Variants in KCND3 observed in about 807,000 individuals in gnomAD.
The protein encoded by KCND3 is potassium voltage-gated channel subfamily D member 3.
A neutral mutation model predicts 51.1 loss-of-function variants in KCND3; 9 were observed. The ratio of observed to expected loss-of-function variants is 0.18; its 90% CI spans 0.11 to 0.31. The LOEUF (loss-of-function observed/expected upper bound fraction) is 0.31. KCND3 is among the 10% of genes least tolerant of loss of function. The pLI is 1.00. For synonymous variants in KCND3, 349 were observed against 368.0 expected (o/e 0.95, Z 0.59); for missense variants, 526 against 903.8 (o/e 0.58, Z 5.36).
At chr1:111,907,107 G>A (rs1670682839) in intron 2 of KCND3, among the ~76,000 whole-genome samples, 2 of 152,176 alleles carry the variant, frequency 1.3e-5, no homozygotes, top group African/African-American at 4.8e-5. Flanking sequence ...TCAGCCAGCT[G>A]TCACAGCACC....
intron 2 of KCND3, among the ~76,000 whole-genome samples, chr1:111,848,584 G>A (rs1300670886): frequency 6.6e-6 from 1 of 152,202 alleles, no homozygotes; most frequent in African/African-American, 2.4e-5. Flanking sequence ...CCATTCCCTA[G>A]GCACTGCACA....
chr1:111,978,886 A>C (rs529929267), intron 2 of KCND3, among the ~76,000 whole-genome samples: 3 of 152,356 alleles, frequency 2.0e-5, no homozygotes, highest in African/African-American at 7.2e-5. Flanking sequence ...TGTATAATCA[A>C]GCAACGAGCC....
chr1:111,858,541 T>A (rs1023233844), intron 2 of KCND3, among the ~76,000 whole-genome samples: 6 of 152,218 alleles, frequency 3.9e-5, no homozygotes, highest in Non-Finnish European at 5.9e-5. Context: ...CTAAATTCAT[T>A]ATTATCATGT....
At position 111,958,727 on chromosome 1, in the gene KCND3, C is replaced by T. The variant is rs189091109; in HGVS notation, c.1106+22894G>A. ...CAGGCCCCCTCTGTCTGGCATCTGT[C>T]CTGGCAGACAACACTGCACTATAGC... On this transcript the variant is annotated intron_variant, in intron 2 of 7. Transcript: ENST00000302127. Among the ~76,000 whole-genome samples, 479 of 152,296 alleles carry T rather than the reference C, an allele frequency of 3.1e-3. 2 individuals are homozygous for T. The highest frequency in any genetic ancestry group is 0.011 in the African/African-American group (443 of 41,560).
rs559270135 is a variant in KCND3, at chr1:111,878,236, A to C, written c.1107-91130T>G. ...AACAGGCAGAGAAGCATGTACGTGA[A>C]ACCTCTTCCTGTCTCTTTGCCGAAT... is the stretch of plus-strand genomic sequence containing the variant. On this transcript the variant is annotated intron_variant, in intron 2 of 7. Transcript: ENST00000302127. Among the ~76,000 whole-genome samples the C allele has an allele frequency of 2.0e-5, 3 of 152,338 alleles. No individual in the cohort carries two copies. The South Asian group carries it at 6.2e-4, about 32-fold the overall frequency.
intron 2 of KCND3, among the ~76,000 whole-genome samples, chr1:111,955,996 ACT>A (rs888973038): frequency 7.3e-5 from 11 of 151,404 alleles, no homozygotes; most frequent in African/African-American, 2.7e-4. Context: ...GTGATAACCG[ACT>A]CATTTTAATC....
chr1:111,896,546 C>T (rs968072094), intron 2 of KCND3, among the ~76,000 whole-genome samples: 6 of 152,176 alleles, frequency 3.9e-5, no homozygotes, highest in African/African-American at 1.4e-4. Context: ...GGGCTGGAGG[C>T]TACCTGTCAG....
At chr1:111,957,672 GGGCTGGACCT>G (rs2101921717) in intron 2 of KCND3, among the ~76,000 whole-genome samples, 1 of 152,328 alleles carries the variant, frequency 6.6e-6, no homozygotes, top group East Asian at 1.9e-4. Flanking sequence ...CATCTGCAGA[GGGCTGGACCT>G]GGTGTCAGGC....
At chr1:111,828,227 A>AG (rs5777083) in intron 2 of KCND3, among the ~76,000 whole-genome samples, 84,170 of 151,868 alleles carry the variant, frequency 0.55, 25,253 homozygotes, top group Non-Finnish European at 0.67. Flanking sequence ...AGTCTTACAA[A>AG]GCTTTTGCCT....
At chr1:111,818,213 A>G (rs1319732615) in intron 2 of KCND3, among the ~76,000 whole-genome samples, 1 of 152,198 alleles carries the variant, frequency 6.6e-6, no homozygotes, top group Non-Finnish European at 1.5e-5. Context: ...TGGAGCAAGG[A>G]TGGCCTCTGG....
At chr1:111,808,243 G>A (rs1388292876) in intron 2 of KCND3, among the ~76,000 whole-genome samples, 1 of 152,302 alleles carries the variant, frequency 6.6e-6, no homozygotes, top group South Asian at 2.1e-4. Context: ...AAAAAACACT[G>A]CTCTTTCAGA....
chr1:111,838,239 C>T (rs1035353142), intron 2 of KCND3, among the ~76,000 whole-genome samples: 5 of 152,230 alleles, frequency 3.3e-5, no homozygotes, highest in African/African-American at 1.2e-4. Context: ...TGTCTCTACA[C>T]TTTATTCAGG....
intron 2 of KCND3, among the ~76,000 whole-genome samples, chr1:111,924,205 A>G (rs1671597259): frequency 6.6e-6 from 1 of 152,268 alleles, no homozygotes; most frequent in South Asian, 2.1e-4. Context: ...AAAGGTGAAC[A>G]ACATGAGCAG....
At chr1:111,854,101 T>A (rs1419556440) in intron 2 of KCND3, 1 of 152,110 alleles carries the variant, frequency 6.6e-6, no homozygotes, top group Non-Finnish European at 1.5e-5. Flanking sequence ...ATGCTCCTGC[T>A]CTAAAAAATG....
intron 2 of KCND3, among the ~76,000 whole-genome samples, chr1:111,907,093 G>A (rs996837084): frequency 1.3e-5 from 2 of 152,030 alleles, no homozygotes; most frequent in African/African-American, 2.4e-5. Context: ...CTGTTCCCTC[G>A]TGTTCAGCCA....
At chr1:111,866,579 A>ACACACACACAC (rs1668581640) in intron 2 of KCND3, among the ~76,000 whole-genome samples, 1 of 126,816 alleles carries the variant, frequency 7.9e-6, no homozygotes. Flanking sequence ...TGTTTCTTTA[A>ACACACACACAC]ACACACACAC....
At chr1:111,966,986 C>A (rs1674025872) in intron 2 of KCND3, among the ~76,000 whole-genome samples, 1 of 151,684 alleles carries the variant, frequency 6.6e-6, no homozygotes, top group Non-Finnish European at 1.5e-5. Context: ...ACTAAAAATA[C>A]AAAAAAATTT....
At chr1:111,824,128 A>C (rs1303459306) in intron 2 of KCND3, among the ~76,000 whole-genome samples, 9 of 152,094 alleles carry the variant, frequency 5.9e-5, no homozygotes, top group Non-Finnish European at 2.9e-5. Context: ...CCAAAAAAAA[A>C]AAAAAAAAGC....
intron 2 of KCND3, among the ~76,000 whole-genome samples, chr1:111,791,180 T>C (rs1353033456): frequency 6.6e-6 from 1 of 152,244 alleles, no homozygotes; most frequent in Non-Finnish European, 1.5e-5. Flanking sequence ...GGGGTCCAAT[T>C]TCTCCTTATC....
Sources: allele counts gnomAD v4.1 joint callset (sites outside exome capture counted in the v4.1 genomes callset), GRCh38; gene constraint gnomAD v4.1.1; transcripts MANE v1.5; gene names NCBI Gene and HGNC (gene_info 2026-07-23, HGNC 2026-07-21).